The following CCDC93 variants were observed in gnomAD, a reference collection of about 807,000 sequenced individuals.
CCDC93 encodes coiled-coil domain-containing protein 93.
Under a neutral mutation model 108.2 loss-of-function variants are expected in CCDC93, and 61 were observed. That is an observed-to-expected ratio of 0.56 (90% CI 0.46 to 0.70). The LOEUF is 0.70. Ranked by LOEUF, CCDC93 falls within the 30% of genes least tolerant of loss-of-function variation. The pLI is 0.00. For missense variants in CCDC93, 685 were observed against 764.2 expected (o/e 0.90, Z 1.22); for synonymous variants, 276 against 260.4 (o/e 1.06, Z -0.58).
chr2:117,973,246 T>C (rs1172358761), intron 11 of CCDC93, among the ~76,000 whole-genome samples: 1 of 152,062 alleles, frequency 6.6e-6, no homozygotes, highest in Admixed American at 6.6e-5. Context: ...TCAACAGACA[T>C]CAACATTTTA....
At chr2:117,974,072 T>A in intron 10 of CCDC93, 78 bp from the exon 11 acceptor site, 1 of 891,608 alleles carries the variant, frequency 1.1e-6, no homozygotes, top group Middle Eastern at 2.1e-4. Context: ...CACTCTATTA[T>A]GTCTGAACAC....
intron 17 of CCDC93, chr2:117,944,715 C>T (rs945262506): frequency 2.1e-6 from 1 of 470,988 alleles, no homozygotes; most frequent in Non-Finnish European, 4.4e-6. Flanking sequence ...TATAAACACA[C>T]CCCCCTACCC....
At position 117,991,551 on chromosome 2, in the gene CCDC93, C is replaced by G. The variant is rs1462560550; in HGVS notation, c.519+3895G>C. On this transcript the variant is annotated intron_variant, in intron 6 of 23. Transcript: ENST00000376300. The stretch of plus-strand genomic sequence containing the variant: ...GCAGCTACACAGGGAATTTATCAAC[C>G]TTTCTAAGCTTCAATTTCCTGACTT... Among the ~76,000 whole-genome samples the G allele has an allele frequency of 2.0e-5, 3 of 152,272 alleles. No homozygotes were observed. The East Asian group carries it at 5.8e-4, about 29-fold the overall frequency.
rs905134265 is a variant in CCDC93, at chr2:117,944,015, T to C, written c.1413+9A>G. On this transcript the variant is annotated intron_variant, in intron 18 of 23. Transcript: ENST00000376300. ...CATTTATGCATATTTTTGTCCTTCT[T>C]TTACTCACCTGTAGTAAACGTATCT... 6.3e-7 allele frequency: 1 copy of C among 1,588,786 alleles called. No homozygotes were observed. Among genetic ancestry groups the C allele is most frequent in the East Asian group, 2.3e-5 (1 of 44,406 alleles).
intron 18 of CCDC93, among the ~76,000 whole-genome samples, chr2:117,943,495 A>T (rs1045985736): frequency 2.0e-5 from 3 of 152,234 alleles, no homozygotes; most frequent in African/African-American, 7.2e-5. Context: ...TGGCCTCTGC[A>T]GCCTTTTGGC....
intron 11 of CCDC93, among the ~76,000 whole-genome samples, chr2:117,973,414 G>A (rs201575964): frequency 4.0e-4 from 57 of 142,282 alleles, no homozygotes; most frequent in Non-Finnish European, 3.3e-4. Context: ...TCTTAGGATG[G>A]AAAAAAAAAA....
At chr2:117,941,708 T>A (rs916885909) in intron 18 of CCDC93, among the ~76,000 whole-genome samples, 1 of 152,156 alleles carries the variant, frequency 6.6e-6, no homozygotes, top group Non-Finnish European at 1.5e-5. Flanking sequence ...CGCCTCCACA[T>A]ACATCCCAAA....
chr2:117,962,753 T>G (rs1214554721), intron 11 of CCDC93, among the ~76,000 whole-genome samples: 1 of 152,208 alleles, frequency 6.6e-6, no homozygotes, highest in Non-Finnish European at 1.5e-5. Context: ...AAAAAGTAAC[T>G]GAAAGTGGGA....
chr2:117,959,820 A>G (rs1221772430), intron 11 of CCDC93, among the ~76,000 whole-genome samples: 2 of 152,204 alleles, frequency 1.3e-5, no homozygotes, highest in African/African-American at 4.8e-5. Context: ...TTTAGCTTTT[A>G]GGATTTCTGG....
rs558508746 is a variant in CCDC93 at position 117,919,218 on chromosome 2, T to G, written c.*1125A>C. The G allele has an allele frequency of 5.9e-5, 9 of 152,310 alleles. No individual in the cohort carries two copies. The East Asian group carries it at 1.5e-3, about 26-fold the overall frequency. 9.4% of individuals were successfully genotyped at this position (152,310 alleles called of 1,614,324 possible). A position where few individuals can be genotyped will look rare whatever the true frequency, so the allele number is the denominator to read the frequency against. ...TCCAAAGCCTAGTCTCAGCCCTACT[T>G]CCCAGACGGGTCTCTGAAGCCTCCT... On this transcript the variant is annotated 3_prime_UTR_variant, in exon 24 of 24. Transcript: ENST00000376300.
At chr2:117,931,216 C>T in intron 22 of CCDC93, 66 bp from the exon 23 acceptor site, 1 of 1,034,622 alleles carries the variant, frequency 9.7e-7, no homozygotes, top group Non-Finnish European at 1.5e-6. Context: ...CTGGCAACAT[C>T]CAAAAGGCAA....
intron 7 of CCDC93, 25 bp downstream of exon 7, chr2:117,985,944 A>T (rs951346642): frequency 7.2e-7 from 1 of 1,384,300 alleles, no homozygotes; most frequent in Non-Finnish European, 1.0e-6. Flanking sequence ...TAAAAGAGAC[A>T]CCTAGACTGG....
intron 17 of CCDC93, 91 bp downstream of exon 17, chr2:117,945,438 A>G (rs1678838607): frequency 7.7e-6 from 8 of 1,041,114 alleles, no homozygotes; most frequent in Non-Finnish European, 1.2e-5. Context: ...AGAGCACATT[A>G]AAGTAGGCAT....
In CCDC93 at chr2:118,000,916, T is replaced by C. The variant is rs1468601392; in HGVS notation, c.268A>G (p.Ile90Val). ...TTCATCCTTGGCAGGACCGAGACAA[T>C]TTTTTCTGACAGAGCTCTGTTCAGA... ...IGQKIALSEK[I>V]VSVLPRMKCP... Residue 90 changes from isoleucine to valine, a missense_variant, in exon 4 of 24, where the codon ATT (isoleucine) becomes GTT (valine). Physicochemically the swap from Ile to Val is conservative, Grantham distance 29. Transcript: ENST00000376300. 1.9e-6 allele frequency: 3 copies of C among 1,612,412 alleles called. No homozygotes were observed.
chr2:117,994,763 A>G (rs1280776444), intron 6 of CCDC93, among the ~76,000 whole-genome samples: 1 of 152,256 alleles, frequency 6.6e-6, no homozygotes, highest in Non-Finnish European at 1.5e-5. Context: ...GATGTATGAC[A>G]TAATTTAGAT....
At chr2:117,998,284 A>C (rs927214906) in intron 4 of CCDC93, 5 of 152,226 alleles carry the variant, frequency 3.3e-5, no homozygotes, top group African/African-American at 1.2e-4. Context: ...AATGGCTTAC[A>C]ACTGCTGGCC....
At chr2:118,001,018 G>C in intron 3 of CCDC93, 86 bp from the exon 4 acceptor site, 1 of 780,232 alleles carries the variant, frequency 1.3e-6, no homozygotes, top group Non-Finnish European at 2.2e-6. Context: ...ATCACAGACG[G>C]ATCTGGGACT....
At chr2:117,926,293 A>T (rs1013490012) in intron 23 of CCDC93, among the ~76,000 whole-genome samples, 31 of 152,278 alleles carry the variant, frequency 2.0e-4, no homozygotes, top group Admixed American at 6.5e-4. Flanking sequence ...GGAAATAGAG[A>T]CATAAAAAAC....
At chr2:117,926,388 G>T (rs987026982) in intron 23 of CCDC93, among the ~76,000 whole-genome samples, 9 of 151,952 alleles carry the variant, frequency 5.9e-5, no homozygotes, top group African/African-American at 2.2e-4. Context: ...TAATAAAGAA[G>T]AAAAGAGAGA....
Sources: gnomAD v4.1 joint callset for allele counts (sites outside exome capture counted in the v4.1 genomes callset) on GRCh38, gnomAD v4.1.1 for gene constraint, MANE v1.5 for transcripts, NCBI Gene and HGNC (gene_info 2026-07-23, HGNC 2026-07-21) for gene names.